SMPDL3B: variants seen among roughly 807,000 people sequenced by gnomAD.
The protein encoded by SMPDL3B is acid sphingomyelinase-like phosphodiesterase 3b.
In SMPDL3B, 31 loss-of-function variants were observed where a neutral mutation model predicts 37.9. The observed-to-expected ratio is 0.82, with a 90% CI of 0.61 to 1.10. The LOEUF (loss-of-function observed/expected upper bound fraction) is 1.10, where lower values mean the gene tolerates loss of function less well. SMPDL3B is among the 50% of genes least tolerant of loss of function. The probability of loss-of-function intolerance (pLI) is 0.00; values close to 1 mark genes in which losing one functional copy is unlikely to be tolerated. For synonymous variants in SMPDL3B, 235 were observed against 242.6 expected (o/e 0.97, Z 0.29); for missense variants, 525 against 597.8 (o/e 0.88, Z 1.27).
chr1:27,956,139 C>T (rs772587865), intron 7 of SMPDL3B, 57 bp downstream of exon 7: 5 of 1,613,830 alleles, frequency 3.1e-6, no homozygotes, highest in Non-Finnish European at 3.4e-6. Context: ...AATGCATCAC[C>T]ACCTTCCCTC....
intron 2 of SMPDL3B, among the ~76,000 whole-genome samples, chr1:27,947,687 G>T (rs1185243052): frequency 6.9e-6 from 1 of 145,498 alleles, no homozygotes; most frequent in Non-Finnish European, 1.5e-5. Context: ...TCGCTCTGTC[G>T]CCCAGGCTGG....
rs1638377150 is a variant in SMPDL3B at position 27,958,670 on chromosome 1, C to T, written c.1200C>T (p.Tyr400=). 3 of 1,613,916 alleles carry T rather than the reference C, an allele frequency of 1.9e-6. No individual in the cohort carries two copies. The highest frequency in any genetic ancestry group is 3.3e-5 in the Admixed American group (2 of 60,010). The change falls in exon 8 of 8, where the codon TAC becomes TAT. Residue 400 remains tyrosine (Y), a synonymous_variant. Transcript: ENST00000373894. The surrounding 1 kb of genome is among the most constrained non-coding windows in gnomAD (Gnocchi z 5.6). The part of the protein sequence containing the change: ...QRYYVYNSVS[Y]SAGVCDEACS... ...ACTACGTCTATAACTCAGTCAGCTA[C>T]TCTGCTGGGGTCTGCGACGAGGCCT...
chr1:27,944,389 C>A (rs1291064915), intron 1 of SMPDL3B, among the ~76,000 whole-genome samples: 1 of 152,148 alleles, frequency 6.6e-6, no homozygotes, highest in African/African-American at 2.4e-5. Flanking sequence ...GAGTCTTGCT[C>A]TGTCACCCAG....
Position 27,949,104 on chromosome 1 carries a change from G to A in SMPDL3B, c.315G>A (p.Glu105=), listed in dbSNP as rs781116647. ...TPHVPDEKLG[E]AAVLEIVERL... ...ATGTGCCCGATGAGAAACTGGGAGAGGCAGCTGTACTGGAAATTGTGGAAC... is the reference window on the plus strand; with the variant it reads ...ATGTGCCCGATGAGAAACTGGGAGAAGCAGCTGTACTGGAAATTGTGGAAC... The change falls in exon 3 of 8, where the codon GAG becomes GAA. Residue 105 remains glutamate, a synonymous_variant. Coordinates refer to ENST00000373894, the MANE Select transcript of SMPDL3B (RefSeq NM_014474.4). 3.7e-6 allele frequency: 6 copies of A among 1,614,112 alleles called. No individual in the cohort carries two copies. Among genetic ancestry groups the A allele is most frequent in the South Asian group, 1.1e-5 (1 of 91,086 alleles).
At chr1:27,954,917 G>A (rs2148681002) in intron 5 of SMPDL3B, among the ~76,000 whole-genome samples, 1 of 152,318 alleles carries the variant, frequency 6.6e-6, no homozygotes, top group Admixed American at 6.5e-5. Context: ...TGGCCTGACA[G>A]CTCCTCAAGG....
chr1:27,949,976 A>G (rs2090442785), intron 3 of SMPDL3B, among the ~76,000 whole-genome samples: 1 of 152,198 alleles, frequency 6.6e-6, no homozygotes, highest in South Asian at 2.1e-4. Flanking sequence ...GGCTCTAAGA[A>G]TATTCAAGCC....
At chr1:27,944,867 G>T (rs2090393117) in intron 1 of SMPDL3B, among the ~76,000 whole-genome samples, 1 of 151,932 alleles carries the variant, frequency 6.6e-6, no homozygotes, top group Non-Finnish European at 1.5e-5. Flanking sequence ...AGGTCACACA[G>T]CTCCTAAGTG....
In SMPDL3B at chr1:27,958,883, C is replaced by T. The variant is rs150999214; in HGVS notation, c.*45C>T. Reference sequence around the variant, plus strand: ...TCCTGGTAACGGGTAACGGGGGCAGCGCCCAGGATCACCCAGAGCTGGGCC... The same window carrying T: ...TCCTGGTAACGGGTAACGGGGGCAGTGCCCAGGATCACCCAGAGCTGGGCC... On this transcript the variant is annotated 3_prime_UTR_variant, in exon 8 of 8. Coordinates refer to ENST00000373894, the MANE Select transcript of SMPDL3B (RefSeq NM_014474.4). The surrounding 1 kb of genome is among the most constrained non-coding windows in gnomAD (Gnocchi z 5.6). 10,383 of 1,499,258 alleles carry T rather than the reference C, an allele frequency of 6.9e-3. 44 individuals carry two copies. The highest frequency in any genetic ancestry group is 8.1e-3 in the Non-Finnish European group (9,073 of 1,120,714). 92.9% of individuals were successfully genotyped at this position (1,499,258 alleles called of 1,614,324 possible). A position where few individuals can be genotyped will look rare whatever the true frequency, so the allele number is the denominator to read the frequency against.
Position 27,945,347 on chromosome 1 carries a change from G to A in SMPDL3B, c.177G>A (p.Trp59Ter). ...GSQPVPDAGP[W>*]GDYLCDSPWA... ...AGCCAGTGCCCGACGCAGGCCCCTG[G>A]GGTGACTACCTCTGTGATTCTCCCT... Residue 59 changes from tryptophan (W) to a stop codon, truncating the protein, a stop_gained, in exon 2 of 8, where the codon TGG becomes TGA. Transcript: ENST00000373894. LOFTEE classifies it high-confidence loss of function. The surrounding 1 kb of genome is among the most constrained non-coding windows in gnomAD (Gnocchi z 4.0). 2 of 1,614,126 alleles carry A rather than the reference G, an allele frequency of 1.2e-6. No individual in the cohort carries two copies. Among genetic ancestry groups the A allele is most frequent in the African/African-American group, 2.7e-5 (2 of 75,022 alleles).
intron 4 of SMPDL3B, 152 bp downstream of exon 4, chr1:27,953,510 G>T: frequency 1.5e-6 from 1 of 662,358 alleles, no homozygotes; most frequent in Non-Finnish European, 2.5e-6. Context: ...AGGCAGTCTT[G>T]GGAGCAGACT....
intron 3 of SMPDL3B, among the ~76,000 whole-genome samples, chr1:27,951,799 T>C (rs1275762177): frequency 6.6e-6 from 1 of 152,188 alleles, no homozygotes; most frequent in Non-Finnish European, 1.5e-5. Flanking sequence ...CAATGAGCTA[T>C]GATCGTGCCA....
rs1211169097 is a variant in SMPDL3B, at chr1:27,956,226, G to C, written c.1005+144G>C. 6 of 1,577,160 alleles carry C rather than the reference G, an allele frequency of 3.8e-6. No individual in the cohort carries two copies. The South Asian group carries it at 7.0e-5, about 18-fold the overall frequency. On this transcript the variant is annotated intron_variant, in intron 7 of 7. Coordinates refer to ENST00000373894, the MANE Select transcript of SMPDL3B (RefSeq NM_014474.4). ...CTCCTTCCACCCTTCTCCAGCTCAG[G>C]ATCAGAACCCTGGAGGCACCTGCCA... is the stretch of plus-strand genomic sequence containing the variant.
chr1:27,945,008 A>G lies in SMPDL3B; in HGVS notation c.62-224A>G, dbSNP rs1340320202. ...TGGGGAGGAGGACGGGGCCTTGCCA[A>G]AGGTCAGCGCTCAGGGATGGAGCTG... On this transcript the variant is annotated intron_variant, in intron 1 of 7. Coordinates refer to ENST00000373894, the MANE Select transcript of SMPDL3B (RefSeq NM_014474.4). This position sits in a 1 kb window ranked among gnomAD's most constrained non-coding sequence, Gnocchi z 4.0. 6.6e-6 allele frequency among the ~76,000 whole-genome samples: 1 copy of G among 152,112 alleles called. No individual in the cohort carries two copies. Among genetic ancestry groups the G allele is most frequent in the East Asian group, 1.9e-4 (1 of 5,190 alleles).
intron 1 of SMPDL3B, chr1:27,942,412 A>C: frequency 2.2e-6 from 1 of 460,676 alleles, no homozygotes; most frequent in Middle Eastern, 3.5e-4. Flanking sequence ...ATGCCCAGCA[A>C]CTCTGCCCAC....
Position 27,958,394 on chromosome 1 carries a change from C to T in SMPDL3B, c.1006-82C>T. ...TGGTCATGGTCACTGCTCTAAAGAA[C>T]TTGGGGGCAAATGCAAGGTGCAGGA... On this transcript the variant is annotated intron_variant, in intron 7 of 7. Coordinates refer to ENST00000373894, the MANE Select transcript of SMPDL3B (RefSeq NM_014474.4). This position sits in a 1 kb window ranked among gnomAD's most constrained non-coding sequence, Gnocchi z 5.6. The T allele has an allele frequency of 6.6e-7, 1 of 1,517,774 alleles. No homozygotes were observed. Among genetic ancestry groups the T allele is most frequent in the Non-Finnish European group, 8.8e-7 (1 of 1,130,344 alleles). The allele number at this position is 1,517,774 out of a possible 1,614,324, so 94.0% of individuals were successfully genotyped here. A position where few individuals can be genotyped will look rare whatever the true frequency, so the allele number is the denominator to read the frequency against.
At chr1:27,956,133 C>T (rs745371571) in intron 7 of SMPDL3B, 51 bp downstream of exon 7, 2 of 1,613,908 alleles carry the variant, frequency 1.2e-6, no homozygotes, top group Non-Finnish European at 1.7e-6. Context: ...GGCTTAAATG[C>T]ATCACCACCT....
Position 27,954,427 on chromosome 1 carries a change from C to T in SMPDL3B, c.591C>T (p.Tyr197=), listed in dbSNP as rs2090481202. ...TTGTGGTCCTCAACACCAATCTGTA[C>T]TATACCAGCAATGCGCTGACAGCAG... ...GRIVVLNTNL[Y]YTSNALTADM... is the part of the protein sequence containing the mutation. Residue 197 remains tyrosine (Y), a synonymous_variant, in exon 5 of 8, where the codon TAC becomes TAT. Coordinates refer to ENST00000373894, the MANE Select transcript of SMPDL3B (RefSeq NM_014474.4). 1 of 1,614,006 alleles carries T rather than the reference C, an allele frequency of 6.2e-7. No individual in the cohort carries two copies. The highest frequency in any genetic ancestry group is 1.3e-5 in the African/African-American group (1 of 74,930).
chr1:27,958,877 G>C lies in SMPDL3B; in HGVS notation c.*39G>C, dbSNP rs1297605270. On this transcript the variant is annotated 3_prime_UTR_variant, in exon 8 of 8. Transcript: ENST00000373894. The surrounding 1 kb of genome is among the most constrained non-coding windows in gnomAD (Gnocchi z 5.6). ...CCTTCTTCCTGGTAACGGGTAACGG[G>C]GGCAGCGCCCAGGATCACCCAGAGC... is the stretch of plus-strand genomic sequence containing the variant. The C allele has an allele frequency of 6.6e-7, 1 of 1,512,044 alleles. No homozygotes were observed. Among genetic ancestry groups the C allele is most frequent in the South Asian group, 1.2e-5 (1 of 80,372 alleles). 93.7% of individuals were successfully genotyped at this position (1,512,044 alleles called of 1,614,324 possible). A position where few individuals can be genotyped will look rare whatever the true frequency, so the allele number is the denominator to read the frequency against.
At position 27,958,835 on chromosome 1, in the gene SMPDL3B, G is replaced by A; in HGVS notation, c.1365G>A (p.Leu455=). The A allele has an allele frequency of 6.3e-7, 1 of 1,580,824 alleles. No individual in the cohort carries two copies. Among genetic ancestry groups the A allele is most frequent in the Non-Finnish European group, 8.6e-7 (1 of 1,158,806 alleles). ...TGCTGGGCCTGTGCACGCTCGTGCTGTGACCTGCCAGGCTCACCTTCTTCC... is the reference window on the plus strand; with the variant it reads ...TGCTGGGCCTGTGCACGCTCGTGCTATGACCTGCCAGGCTCACCTTCTTCC... ...MALLGLCTLV[L] The change falls in exon 8 of 8, where the codon CTG becomes CTA. Residue 455 remains leucine, a synonymous_variant. Coordinates refer to ENST00000373894, the MANE Select transcript of SMPDL3B (RefSeq NM_014474.4). The surrounding 1 kb of genome is among the most constrained non-coding windows in gnomAD (Gnocchi z 5.6).
Sources: gnomAD v4.1 joint callset for allele counts (sites outside exome capture counted in the v4.1 genomes callset) on GRCh38, gnomAD v4.1.1 for gene constraint, Gnocchi (gnomAD v3.1) non-coding constraint, MANE v1.5 for transcripts, NCBI Gene and HGNC (gene_info 2026-07-23, HGNC 2026-07-21) for gene names.